Variants in DTNA observed in about 807,000 individuals in gnomAD.
DTNA encodes the protein dystrophin-related protein 3.
Under a neutral mutation model 100.7 loss-of-function variants are expected in DTNA, and 43 were observed. That is an observed-to-expected ratio of 0.43 (90% CI 0.33 to 0.55). The LOEUF (loss-of-function observed/expected upper bound fraction) is 0.55. DTNA is among the 20% of genes least tolerant of loss of function. The probability of loss-of-function intolerance (pLI) is 0.04; values close to 1 mark genes in which losing one functional copy is unlikely to be tolerated. For missense variants in DTNA, 798 were observed against 953.9 expected, an observed-to-expected ratio of 0.84 and a Z score of 2.15; for synonymous variants, 349 against 347.9, an observed-to-expected ratio of 1.00 and a Z score of -0.04.
chr18:34,656,309 C>T (rs1010198344), intron 1 of DTNA, among the ~76,000 whole-genome samples: 1 of 152,160 alleles, frequency 6.6e-6, no homozygotes, highest in Non-Finnish European at 1.5e-5. Context: ...GAAAGTGATT[C>T]GTCTTGGTTA....
At chr18:34,844,805 A>C (rs2096346479) in intron 13 of DTNA, among the ~76,000 whole-genome samples, 1 of 152,282 alleles carries the variant, frequency 6.6e-6, no homozygotes, top group Admixed American at 6.5e-5. Flanking sequence ...ATGTGAACAA[A>C]CCGTGAGTTC....
chr18:34,869,157 A>G (rs528694460), intron 17 of DTNA, among the ~76,000 whole-genome samples: 1 of 152,322 alleles, frequency 6.6e-6, no homozygotes, highest in Admixed American at 6.5e-5. Flanking sequence ...CATGGCTAAT[A>G]GGATTATTGT....
Position 34,890,181 on chromosome 18 carries a change from T to C in DTNA, c.*2447T>C, listed in dbSNP as rs2096957171. ...CTTCCCCGTTGTCATAGCTATTTCA[T>C]TGCCAACCAACTCCATCACATGGTT... On this transcript the variant is annotated 3_prime_UTR_variant, in exon 23 of 23. Coordinates refer to ENST00000444659, the MANE Select transcript of DTNA (RefSeq NM_001386795.1). 1.4e-6 allele frequency: 2 copies of C among 1,443,442 alleles called. No homozygotes were observed. The highest frequency in any genetic ancestry group is 1.8e-6 in the Non-Finnish European group (2 of 1,104,334). 89.4% of individuals were successfully genotyped at this position (1,443,442 alleles called of 1,614,324 possible). A position where few individuals can be genotyped will look rare whatever the true frequency, so the allele number is the denominator to read the frequency against.
rs1452084225 is a variant in DTNA at position 34,868,828 on chromosome 18, CCT to C, written c.1743+4769_1743+4770del. 8.8e-6 allele frequency: 8 copies of C among 912,764 alleles called. No homozygotes were observed. In the African/African-American group the frequency reaches 1.3e-4, roughly 14 times the overall value. 56.5% of individuals were successfully genotyped at this position (912,764 alleles called of 1,614,324 possible). ...AAAACTTGAATTGAAGTTATCCTAC[CCT>C]CTTTCTTCTTTGTGTATCTTTAAGA... is the stretch of plus-strand genomic sequence containing the variant. On this transcript the variant is annotated intron_variant, in intron 17 of 22. Coordinates refer to ENST00000444659, the MANE Select transcript of DTNA (RefSeq NM_001386795.1).
chr18:34,857,429 C>G (rs1047227866), intron 15 of DTNA, among the ~76,000 whole-genome samples: 3 of 152,194 alleles, frequency 2.0e-5, no homozygotes, highest in Non-Finnish European at 4.4e-5. Flanking sequence ...ACACCCCCAG[C>G]TCCCAAGAAT....
rs12051956 is a variant in DTNA, at chr18:34,693,322, T to C, written c.-1-62654T>C. Among the ~76,000 whole-genome samples, 169 of 152,294 alleles carry C rather than the reference T, an allele frequency of 1.1e-3. 3 individuals are homozygous for C. The East Asian group carries it at 0.028, about 25-fold the overall frequency. On this transcript the variant is annotated intron_variant, in intron 1 of 19. Coordinates refer to the DTNA transcript ENST00000283365. Reference sequence around the variant, plus strand: ...TATATCATAGAGTCATAGAATATCATAGAATTGAAGCATCAGAAAGGATAT... The same window carrying C: ...TATATCATAGAGTCATAGAATATCACAGAATTGAAGCATCAGAAAGGATAT...
intron 3 of DTNA, among the ~76,000 whole-genome samples, chr18:34,775,129 G>A (rs1300357637): frequency 6.6e-6 from 1 of 152,200 alleles, no homozygotes; most frequent in Non-Finnish European, 1.5e-5. Context: ...TTGCACAGTT[G>A]CAACAAACCT....
chr18:34,497,993 T>G (rs1206122614), intron 1 of DTNA, among the ~76,000 whole-genome samples: 1 of 152,290 alleles, frequency 6.6e-6, no homozygotes, highest in East Asian at 1.9e-4. Context: ...AATGTAAGAA[T>G]TTTAAGGCTG....
chr18:34,874,480 G>A (rs148111466), intron 17 of DTNA, among the ~76,000 whole-genome samples: 1 of 152,310 alleles, frequency 6.6e-6, no homozygotes, highest in Non-Finnish European at 1.5e-5. Context: ...AAAAACTGTA[G>A]TGCAAAGATA....
intron 5 of DTNA, among the ~76,000 whole-genome samples, chr18:34,806,595 A>G (rs1555812042): frequency 6.6e-6 from 1 of 152,220 alleles, no homozygotes; most frequent in Non-Finnish European, 1.5e-5. Flanking sequence ...ATTGTGTTAT[A>G]CTGCCTTACA....
intron 1 of DTNA, among the ~76,000 whole-genome samples, chr18:34,562,115 C>A (rs1166055407): frequency 6.6e-6 from 1 of 152,092 alleles, no homozygotes; most frequent in Non-Finnish European, 1.5e-5. Flanking sequence ...TTAACTGTTG[C>A]TTTACTGTCA....
intron 13 of DTNA, among the ~76,000 whole-genome samples, chr18:34,846,795 A>G (rs75855691): frequency 0.014 from 2,061 of 152,352 alleles, 32 homozygotes; most frequent in African/African-American, 0.047. Context: ...CAAAGGTTAA[A>G]ACACTATGTT....
Position 34,632,893 on chromosome 18 carries a change from T to C in DTNA, c.-1-123083T>C, listed in dbSNP as rs1279336333. ...CTAAATTAAGAGTTAGTATATCCTT[T>C]GTTATGTTATATACCAGATTATCAT... On this transcript the variant is annotated intron_variant, in intron 1 of 19. Coordinates refer to the DTNA transcript ENST00000283365. 2.0e-5 allele frequency among the ~76,000 whole-genome samples: 3 copies of C among 152,208 alleles called. No homozygotes were observed. In the East Asian group the frequency reaches 5.8e-4, roughly 29 times the overall value.
chr18:34,625,619 A>G, intron 1 of DTNA, among the ~76,000 whole-genome samples: 1 of 152,340 alleles, frequency 6.6e-6, no homozygotes, highest in East Asian at 1.9e-4. Context: ...CTACATTTAT[A>G]CACTTATATA....
intron 17 of DTNA, among the ~76,000 whole-genome samples, chr18:34,872,839 G>A (rs2096778583): frequency 6.6e-6 from 1 of 152,202 alleles, no homozygotes; most frequent in African/African-American, 2.4e-5. Context: ...GTGAAGCATA[G>A]ATGGAAGCGT....
At chr18:34,495,147 T>C (rs895349469) in intron 1 of DTNA, among the ~76,000 whole-genome samples, 1 of 152,224 alleles carries the variant, frequency 6.6e-6, no homozygotes, top group South Asian at 2.1e-4. Context: ...ATCAACTCAT[T>C]ATACCTAAAG....
At chr18:34,604,842 C>T (rs887156582) in intron 1 of DTNA, among the ~76,000 whole-genome samples, 2 of 152,064 alleles carry the variant, frequency 1.3e-5, no homozygotes, top group African/African-American at 4.8e-5. Flanking sequence ...TATGGTACCC[C>T]AGTGGCCTCA....
chr18:34,759,301 A>G (rs16965884), intron 2 of DTNA, among the ~76,000 whole-genome samples: 5,032 of 152,300 alleles, frequency 0.033, 261 homozygotes, highest in African/African-American at 0.11. Context: ...TTGTTCTTGG[A>G]ATTAAACTCT....
chr18:34,729,807 C>T (rs1300524868), intron 1 of DTNA, among the ~76,000 whole-genome samples: 1 of 152,006 alleles, frequency 6.6e-6, no homozygotes, highest in Non-Finnish European at 1.5e-5. Context: ...AAATAATAGT[C>T]ATTGTAGATC....
Sources: gnomAD v4.1 joint callset for allele counts (sites outside exome capture counted in the v4.1 genomes callset) on GRCh38, gnomAD v4.1.1 for gene constraint, MANE v1.5 for transcripts, NCBI Gene and HGNC (gene_info 2026-07-23, HGNC 2026-07-21) for gene names.